HECW2: variants seen among roughly 807,000 people sequenced by gnomAD.
HECW2 encodes the protein HECT, C2 and WW domain containing E3 ubiquitin protein ligase 2.
A neutral mutation model predicts 175.2 loss-of-function variants in HECW2; 61 were observed. The observed-to-expected ratio is 0.35, with a 90% CI of 0.28 to 0.43. HECW2 has a LOEUF of 0.43. Among genes scored for constraint, HECW2 ranks in the 20% least tolerant of loss-of-function variants. The pLI is 1.00. For missense variants in HECW2, 1,524 were observed against 2,000.5 expected (o/e 0.76, Z 4.54); for synonymous variants, 671 against 731.0 (o/e 0.92, Z 1.32).
intron 2 of HECW2, chr2:196,361,726 G>A: frequency 2.3e-6 from 2 of 877,554 alleles, no homozygotes; most frequent in Non-Finnish European, 2.7e-6. Context: ...AAAGTGAAAG[G>A]CAGAGAAAAC....
chr2:196,512,295 A>C (rs1687977819), intron 1 of HECW2, among the ~76,000 whole-genome samples: 1 of 152,246 alleles, frequency 6.6e-6, no homozygotes, highest in Non-Finnish European at 1.5e-5. Flanking sequence ...GGGGCAAATA[A>C]AGCAAATTTG....
intron 1 of HECW2, among the ~76,000 whole-genome samples, chr2:196,569,140 C>T (rs1270619805): frequency 6.6e-6 from 1 of 152,080 alleles, no homozygotes; most frequent in Non-Finnish European, 1.5e-5. Flanking sequence ...AGTTCAAGAC[C>T]AGCCTGGGCA....
At chr2:196,392,960 C>T (rs925974626) in intron 2 of HECW2, among the ~76,000 whole-genome samples, 13 of 152,250 alleles carry the variant, frequency 8.5e-5, no homozygotes, top group African/African-American at 2.6e-4. Context: ...AACAGAGATA[C>T]AGACCAATGG....
intron 10 of HECW2, among the ~76,000 whole-genome samples, chr2:196,309,882 CAGAAA>C (rs1283176103): frequency 1.3e-5 from 2 of 152,086 alleles, no homozygotes; most frequent in African/African-American, 4.8e-5. Flanking sequence ...GCAGTTATGG[CAGAAA>C]AGAAAACATA....
chr2:196,384,248 A>AT (rs1694286920), intron 2 of HECW2, among the ~76,000 whole-genome samples: 1 of 152,128 alleles, frequency 6.6e-6, no homozygotes, highest in African/African-American at 2.4e-5. Context: ...GACAAAAAAA[A>AT]TGATTAAGGC....
At chr2:196,581,171 T>C (rs1014132199) in intron 1 of HECW2, among the ~76,000 whole-genome samples, 1 of 152,274 alleles carries the variant, frequency 6.6e-6, no homozygotes, top group African/African-American at 2.4e-5. Context: ...GTAGTTTCTA[T>C]TTAGAGGTGA....
chr2:196,265,827 G>A (rs931635698), intron 17 of HECW2, among the ~76,000 whole-genome samples: 3 of 152,148 alleles, frequency 2.0e-5, no homozygotes, highest in Non-Finnish European at 4.4e-5. Context: ...TGACAACTTG[G>A]AGGTTGTTTA....
At chr2:196,209,110 G>A (rs1202520602) in intron 28 of HECW2, among the ~76,000 whole-genome samples, 1 of 152,212 alleles carries the variant, frequency 6.6e-6, no homozygotes, top group South Asian at 2.1e-4. Flanking sequence ...TTCTTTAACT[G>A]TTGCAATGTC....
intron 18 of HECW2, among the ~76,000 whole-genome samples, chr2:196,254,443 C>T (rs963305884): frequency 3.3e-5 from 5 of 152,238 alleles, no homozygotes; most frequent in African/African-American, 7.2e-5. Context: ...TCTCAGCCTT[C>T]GAAGGGCTTA....
intron 1 of HECW2, among the ~76,000 whole-genome samples, chr2:196,520,774 A>T (rs1471843405): frequency 1.3e-5 from 2 of 152,232 alleles, no homozygotes; most frequent in Admixed American, 6.5e-5. Context: ...ACAGTTAAGC[A>T]GCATAGCTAA....
At chr2:196,393,657 G>C (rs1256510361) in intron 2 of HECW2, among the ~76,000 whole-genome samples, 2 of 152,206 alleles carry the variant, frequency 1.3e-5, no homozygotes, top group African/African-American at 4.8e-5. Context: ...GGAAACAACA[G>C]GTGCTGGAGA....
chr2:196,337,578 T>A (rs201095909), intron 3 of HECW2, among the ~76,000 whole-genome samples: 2,056 of 44,802 alleles, frequency 0.046, 56 homozygotes, highest in African/African-American at 0.072. Flanking sequence ...TAAAAAAATA[T>A]ATATATATAA....
rs73988197 is a variant in HECW2 at position 196,410,311 on chromosome 2, A to C, written c.292+22821T>G. On this transcript the variant is annotated intron_variant, in intron 2 of 28. Transcript: ENST00000644978. ...TGGTACATTTTGACATAATCCTAAA[A>C]GTGATGACAAGAACAATATCTAGCA... is the stretch of plus-strand genomic sequence containing the variant. Among the ~76,000 whole-genome samples, 1,417 of 152,372 alleles carry C rather than the reference A, an allele frequency of 9.3e-3. 27 individuals are homozygous for C. The highest frequency in any genetic ancestry group is 0.032 in the African/African-American group (1,324 of 41,580).
chr2:196,440,516 T>A (rs1346189530), intron 1 of HECW2, among the ~76,000 whole-genome samples: 1 of 152,202 alleles, frequency 6.6e-6, no homozygotes, highest in Admixed American at 6.5e-5. Context: ...CTAAATTTTA[T>A]ACCTAAAATT....
At chr2:196,346,760 G>A (rs1423441822) in intron 2 of HECW2, among the ~76,000 whole-genome samples, 1 of 152,006 alleles carries the variant, frequency 6.6e-6, no homozygotes, top group African/African-American at 2.4e-5. Flanking sequence ...TAGCACTTTT[G>A]GAGGCTGAGG....
chr2:196,309,201 A>G (rs1167452100), intron 10 of HECW2, among the ~76,000 whole-genome samples: 1 of 152,180 alleles, frequency 6.6e-6, no homozygotes, highest in Non-Finnish European at 1.5e-5. Context: ...AAAGACCTGC[A>G]TGGTAGAGCT....
At position 196,475,414 on chromosome 2, in the gene HECW2, G is replaced by A. The variant is rs372611480; in HGVS notation, c.-35-41956C>T. Among the ~76,000 whole-genome samples the A allele has an allele frequency of 3.4e-5, 5 of 147,316 alleles. No individual in the cohort carries two copies. The East Asian group carries it at 5.9e-4, about 17-fold the overall frequency. On this transcript the variant is annotated intron_variant, in intron 1 of 28. Transcript: ENST00000644978. ...GGAGAAAGAGAGTGAAGGGAGGGGA[G>A]GGGAGAGAGACGAGGGGAGGGAAAA...
chr2:196,383,698 T>C (rs1694270355), intron 2 of HECW2, among the ~76,000 whole-genome samples: 2 of 152,162 alleles, frequency 1.3e-5, no homozygotes, highest in African/African-American at 4.8e-5. Context: ...GCAGTGACAG[T>C]CAAGGTTTGG....
At chr2:196,451,444 A>AAG (rs1559117650) in intron 1 of HECW2, among the ~76,000 whole-genome samples, 1 of 150,836 alleles carries the variant, frequency 6.6e-6, no homozygotes, top group Non-Finnish European at 1.5e-5. Flanking sequence ...AAAAAAAAAA[A>AAG]AAAAAGAAAA....
Sources: allele counts gnomAD v4.1 joint callset (sites outside exome capture counted in the v4.1 genomes callset), GRCh38; gene constraint gnomAD v4.1.1; transcripts MANE v1.5; gene names NCBI Gene and HGNC (gene_info 2026-07-23, HGNC 2026-07-21).